MYO3B: variants seen among roughly 807,000 people sequenced by gnomAD.
MYO3B encodes the protein myosin-IIIb.
In MYO3B, 156 loss-of-function variants were observed where a neutral mutation model predicts 174.6. That is an observed-to-expected ratio of 0.89 (90% CI 0.78 to 1.02). The LOEUF (loss-of-function observed/expected upper bound fraction) is 1.02. MYO3B is among the 50% of genes least tolerant of loss of function. MYO3B has a pLI of 0.00. For missense variants in MYO3B, 1,632 were observed against 1,639.4 expected (o/e 1.00, Z 0.08); for synonymous variants, 563 against 569.1 (o/e 0.99, Z 0.15).
intron 7 of MYO3B, among the ~76,000 whole-genome samples, chr2:170,262,655 G>C (rs990899873): frequency 6.6e-6 from 1 of 152,192 alleles, no homozygotes; most frequent in Admixed American, 6.5e-5. Flanking sequence ...CCTTGTCCAC[G>C]TTTGGGTAGA....
chr2:170,434,947 C>G (rs1352266636), intron 22 of MYO3B, among the ~76,000 whole-genome samples: 1 of 152,236 alleles, frequency 6.6e-6, no homozygotes, highest in African/African-American at 2.4e-5. Flanking sequence ...GTGAGAGCCA[C>G]TGTACTTAGC....
Position 170,369,273 on chromosome 2 carries a change from C to G in MYO3B, c.867C>G (p.Asp289Glu). 2 of 1,613,652 alleles carry G rather than the reference C, an allele frequency of 1.2e-6. No homozygotes were observed. Among genetic ancestry groups the G allele is most frequent in the South Asian group, 2.2e-5 (2 of 91,004 alleles). Residue 289 changes from aspartate (D) to glutamate (E), a missense_variant, in exon 9 of 35, where the codon GAC becomes GAG. Coordinates refer to ENST00000408978, the MANE Select transcript of MYO3B (RefSeq NM_138995.5). ...GACCTTCCGTCACACATCTCCTTGA[C>G]CACCCATTTATTAAAGGAGTACATG... is the stretch of plus-strand genomic sequence containing the variant. The part of the protein sequence containing the change: ...ERRPSVTHLL[D>E]HPFIKGVHGK...
chr2:170,632,609 G>A lies in MYO3B; in HGVS notation c.3734-19019G>A, dbSNP rs189360760. Reference sequence around the variant, plus strand: ...AGAGCAAACACATTCAAAAGCTAGCGGAAGCCAAGAAATAACTAAGATCAG... The same window carrying A: ...AGAGCAAACACATTCAAAAGCTAGCAGAAGCCAAGAAATAACTAAGATCAG... On this transcript the variant is annotated intron_variant, in intron 32 of 34. Transcript: ENST00000408978. Among the ~76,000 whole-genome samples, 454 of 151,958 alleles carry A rather than the reference G, an allele frequency of 3.0e-3. 3 individuals carry two copies. The highest frequency in any genetic ancestry group is 0.01 in the African/African-American group (426 of 41,482).
chr2:170,470,039 T>A (rs1007285240), intron 25 of MYO3B, among the ~76,000 whole-genome samples: 2 of 142,248 alleles, frequency 1.4e-5, no homozygotes, highest in Non-Finnish European at 3.0e-5. Context: ...GAGGTGAAGG[T>A]TGTAGTGAGC....
chr2:170,493,783 G>A (rs531525609), intron 25 of MYO3B, among the ~76,000 whole-genome samples: 2 of 150,626 alleles, frequency 1.3e-5, no homozygotes, highest in African/African-American at 4.9e-5. Context: ...TCTGAGGGAA[G>A]CCATCTTCTA....
intron 32 of MYO3B, among the ~76,000 whole-genome samples, chr2:170,637,291 C>T (rs1334660517): frequency 1.3e-5 from 2 of 151,728 alleles, no homozygotes; most frequent in Non-Finnish European, 2.9e-5. Flanking sequence ...CCTGCCTCAC[C>T]CTCCCGAGTA....
chr2:170,514,803 G>A, intron 28 of MYO3B, 118 bp from the exon 29 acceptor site: 1 of 740,876 alleles, frequency 1.3e-6, no homozygotes, highest in East Asian at 2.7e-5. Context: ...AGTCACCTTG[G>A]TGCCTTGAAC....
intron 7 of MYO3B, among the ~76,000 whole-genome samples, chr2:170,304,236 T>C (rs1559372842): frequency 6.6e-6 from 1 of 152,184 alleles, no homozygotes; most frequent in Non-Finnish European, 1.5e-5. Context: ...TAGTGATTTA[T>C]ATTTTCCTTC....
At chr2:170,252,510 T>TTA (rs1224390985) in intron 7 of MYO3B, among the ~76,000 whole-genome samples, 5 of 152,230 alleles carry the variant, frequency 3.3e-5, no homozygotes, top group African/African-American at 4.8e-5. Context: ...TGGAACTAGT[T>TTA]TATTCAATCA....
At chr2:170,235,478 C>G (rs1249072749) in intron 6 of MYO3B, among the ~76,000 whole-genome samples, 1 of 152,110 alleles carries the variant, frequency 6.6e-6, no homozygotes, top group South Asian at 2.1e-4. Flanking sequence ...GAAAGATGCT[C>G]TTAGAAAAAG....
At chr2:170,250,585 C>G (rs2093240914) in intron 7 of MYO3B, among the ~76,000 whole-genome samples, 1 of 152,224 alleles carries the variant, frequency 6.6e-6, no homozygotes, top group Admixed American at 6.5e-5. Flanking sequence ...GGTTTGCCAT[C>G]CATGGATGGC....
intron 6 of MYO3B, among the ~76,000 whole-genome samples, chr2:170,229,547 TGTTTAA>T (rs1245280849): frequency 5.9e-5 from 9 of 152,336 alleles, no homozygotes; most frequent in African/African-American, 2.2e-4. Context: ...TAATACCTGT[TGTTTAA>T]GTTTGATAAA....
At chr2:170,185,123 G>A (rs1355745243) in intron 1 of MYO3B, among the ~76,000 whole-genome samples, 2 of 151,974 alleles carry the variant, frequency 1.3e-5, no homozygotes, top group Non-Finnish European at 2.9e-5. Flanking sequence ...CATTCTGTGG[G>A]TTGTCTCCTC....
At chr2:170,195,740 C>T (rs534335536) in intron 1 of MYO3B, among the ~76,000 whole-genome samples, 83 of 152,282 alleles carry the variant, frequency 5.5e-4, no homozygotes, top group Non-Finnish European at 8.5e-4. Flanking sequence ...AGGCGCTCAC[C>T]CCAGATCCTG....
At chr2:170,582,215 T>C (rs887975026) in intron 32 of MYO3B, among the ~76,000 whole-genome samples, 1 of 152,202 alleles carries the variant, frequency 6.6e-6, no homozygotes, top group Non-Finnish European at 1.5e-5. Context: ...GTCTGTAGAA[T>C]TCCCAGGAAG....
intron 10 of MYO3B, 30 bp from the exon 11 acceptor site, chr2:170,383,043 T>A (rs753125370): frequency 3.7e-6 from 5 of 1,360,298 alleles, no homozygotes; most frequent in Non-Finnish European, 5.2e-6. Context: ...GGAATAATAT[T>A]TACCTCAATA....
chr2:170,278,174 C>T lies in MYO3B; in HGVS notation c.749+42038C>T, dbSNP rs567922882. 3.4e-4 allele frequency among the ~76,000 whole-genome samples: 52 copies of T among 152,164 alleles called. 1 individual carries two copies. The highest frequency in any genetic ancestry group is 1.9e-3 in the East Asian group (10 of 5,176). ...ATCTGTAGCCTTGGAAACAATATGG[C>T]GATAGTGACATCAGTAGCAATTATG... On this transcript the variant is annotated intron_variant, in intron 7 of 34. Transcript: ENST00000408978.
rs531996231 is a variant in MYO3B at position 170,204,274 on chromosome 2, T to A, written c.321+3990T>A. Among the ~76,000 whole-genome samples, 152 of 152,360 alleles carry A rather than the reference T, an allele frequency of 1.0e-3. 1 individual carries two copies. Among genetic ancestry groups the A allele is most frequent in the African/African-American group, 3.5e-3 (147 of 41,586 alleles). ...GGATTTTCTGAAGTAATTTTGACTG[T>A]CTTTGACTTTTCCTTTATGTTATCT... is the stretch of plus-strand genomic sequence containing the variant. On this transcript the variant is annotated intron_variant, in intron 3 of 34. Coordinates refer to ENST00000408978, the MANE Select transcript of MYO3B (RefSeq NM_138995.5).
At chr2:170,634,173 CA>C (rs1559183088) in intron 32 of MYO3B, among the ~76,000 whole-genome samples, 1 of 151,950 alleles carries the variant, frequency 6.6e-6, no homozygotes, top group South Asian at 2.1e-4. Context: ...AATCCTAAGC[CA>C]AAAAAACAAA....
Sources: gnomAD v4.1 joint callset for allele counts (sites outside exome capture counted in the v4.1 genomes callset) on GRCh38, gnomAD v4.1.1 for gene constraint, MANE v1.5 for transcripts, NCBI Gene and HGNC (gene_info 2026-07-23, HGNC 2026-07-21) for gene names.